DNAH14: variants seen among roughly 807,000 people sequenced by gnomAD.
The protein encoded by DNAH14 is dynein axonemal heavy chain 14.
A neutral mutation model predicts 520.9 loss-of-function variants in DNAH14; 478 were observed. That is an observed-to-expected ratio of 0.92 (90% CI 0.85 to 0.99). DNAH14 has a LOEUF of 0.99. Among genes scored for constraint, DNAH14 ranks in the 50% least tolerant of loss-of-function variants. The probability of loss-of-function intolerance (pLI) is 0.00; values close to 1 mark genes in which losing one functional copy is unlikely to be tolerated. For missense variants in DNAH14, 4,831 were observed against 5,234.5 expected, an observed-to-expected ratio of 0.92 and a Z score of 2.38; for synonymous variants, 1,581 against 1,757.2, an observed-to-expected ratio of 0.90 and a Z score of 2.51.
At chr1:225,379,066 T>G (rs1047241062) in intron 79 of DNAH14, among the ~76,000 whole-genome samples, 4 of 152,038 alleles carry the variant, frequency 2.6e-5, no homozygotes, top group African/African-American at 9.7e-5. Flanking sequence ...CTCTAGTGTT[T>G]AGTGGTTTTG....
intron 21 of DNAH14, among the ~76,000 whole-genome samples, chr1:225,088,807 A>C (rs2074061497): frequency 6.6e-6 from 1 of 152,224 alleles, no homozygotes; most frequent in Non-Finnish European, 1.5e-5. Context: ...CTGGAATATT[A>C]AAAACAACTT....
chr1:225,153,954 C>A, intron 34 of DNAH14, 128 bp downstream of exon 34: 1 of 569,194 alleles, frequency 1.8e-6, no homozygotes, highest in East Asian at 3.3e-5. Context: ...TAAAGTAAGG[C>A]AGAGATTATT....
intron 69 of DNAH14, among the ~76,000 whole-genome samples, chr1:225,345,004 C>T (rs1367925954): frequency 2.0e-5 from 3 of 152,126 alleles, no homozygotes; most frequent in African/African-American, 7.2e-5. Flanking sequence ...TGAGCCACCA[C>T]ACCTGGCCAG....
In DNAH14 at chr1:225,300,986, G is replaced by A. The variant is rs2094128280; in HGVS notation, c.8587G>A (p.Gly2863Ser). ...MKIRYLTEQS[G>S]HMDNRQSLLS... ...AATCAGATATCTTACTGAACAATCT[G>A]GTCATATGGATAATAGGCAATCTTT... Residue 2863 changes from glycine to serine, a missense_variant, in exon 56 of 86, where the codon GGT becomes AGT. Transcript: ENST00000682510. 6.4e-7 allele frequency: 1 copy of A among 1,550,718 alleles called. No individual in the cohort carries two copies. The highest frequency in any genetic ancestry group is 8.7e-7 in the Non-Finnish European group (1 of 1,146,682).
chr1:225,364,712 A>G, intron 75 of DNAH14, 80 bp from the exon 76 acceptor site: 1 of 1,030,440 alleles, frequency 9.7e-7, no homozygotes, highest in Non-Finnish European at 1.4e-6. Flanking sequence ...GCCACTTCAA[A>G]CAGTGAAATG....
intron 36 of DNAH14, among the ~76,000 whole-genome samples, chr1:225,168,910 AGACT>A (rs1221898182): frequency 6.6e-6 from 1 of 152,198 alleles, no homozygotes; most frequent in Non-Finnish European, 1.5e-5. Context: ...TAGTAGGGGC[AGACT>A]GACACCTCAC....
In DNAH14 at chr1:225,304,969, A is replaced by G. The variant is rs1480514691; in HGVS notation, c.8885A>G (p.Asn2962Ser). 1 of 1,543,850 alleles carries G rather than the reference A, an allele frequency of 6.5e-7. No homozygotes were observed. The change falls in exon 58 of 86, where the codon AAC becomes AGC. Residue 2962 changes from asparagine (N) to serine (S), a missense_variant. Coordinates refer to ENST00000682510, the MANE Select transcript of DNAH14 (RefSeq NM_001367479.1). ...VQIHKSMKDL[N>S]RKYFEETGRF... is the part of the protein sequence containing the mutation. Reference sequence around the variant, plus strand: ...ATCCACAAAAGCATGAAAGACTTGAACAGAAAATACTTTGAAGAAACTGGA... The same window carrying G: ...ATCCACAAAAGCATGAAAGACTTGAGCAGAAAATACTTTGAAGAAACTGGA...
At chr1:224,941,823 A>G (rs2059439373) in intron 1 of DNAH14, among the ~76,000 whole-genome samples, 1 of 152,106 alleles carries the variant, frequency 6.6e-6, no homozygotes, top group African/African-American at 2.4e-5. Context: ...GGTTGTAGAT[A>G]TGTGGCATTA....
intron 1 of DNAH14, among the ~76,000 whole-genome samples, chr1:224,935,562 C>A (rs2058976851): frequency 6.6e-6 from 1 of 151,736 alleles, no homozygotes; most frequent in South Asian, 2.1e-4. Context: ...CACTGGAGCA[C>A]CCATATTAAT....
chr1:225,366,874 G>A (rs955202869), intron 76 of DNAH14, among the ~76,000 whole-genome samples: 7 of 151,638 alleles, frequency 4.6e-5, no homozygotes, highest in African/African-American at 7.3e-5. Flanking sequence ...TCTCTGAAAA[G>A]AGGAAAGGCT....
chr1:225,341,943 A>G (rs573805853), intron 69 of DNAH14, among the ~76,000 whole-genome samples: 1 of 152,282 alleles, frequency 6.6e-6, no homozygotes, highest in Admixed American at 6.5e-5. Context: ...TCATCTGTAG[A>G]GTTTATTACC....
intron 9 of DNAH14, among the ~76,000 whole-genome samples, chr1:225,006,390 C>G (rs541357527): frequency 6.6e-6 from 1 of 152,076 alleles, no homozygotes; most frequent in South Asian, 2.1e-4. Context: ...CCTGCAGGGC[C>G]GGGCAGAACA....
chr1:225,059,516 G>A (rs1171420713), intron 17 of DNAH14, among the ~76,000 whole-genome samples: 1 of 152,188 alleles, frequency 6.6e-6, no homozygotes, highest in East Asian at 1.9e-4. Context: ...GGAGCATTTA[G>A]CCCATTTACA....
chr1:225,044,290 G>T (rs913346860), intron 15 of DNAH14, among the ~76,000 whole-genome samples: 3 of 152,124 alleles, frequency 2.0e-5, no homozygotes, highest in African/African-American at 7.2e-5. Flanking sequence ...TTATGTCATA[G>T]TATAACAAAG....
At chr1:225,274,596 T>A (rs938626531) in intron 52 of DNAH14, among the ~76,000 whole-genome samples, 2 of 152,240 alleles carry the variant, frequency 1.3e-5, no homozygotes, top group Admixed American at 1.3e-4. Flanking sequence ...AGCTTATTAC[T>A]ATCTTGGGAG....
In DNAH14 at chr1:224,964,612, ATTG is replaced by A. The variant is rs772503973; in HGVS notation, c.498+6_498+8del. 6 of 1,568,578 alleles carry A rather than the reference ATTG, an allele frequency of 3.8e-6. No individual in the cohort carries two copies. Among genetic ancestry groups the A allele is most frequent in the Admixed American group, 1.8e-5 (1 of 56,428 alleles). The stretch of plus-strand genomic sequence containing the variant: ...CAATTCAGAAGATTACTTTAAAGGT[ATTG>A]TTCTATTTTATTTAATTTTGATCTT... On this transcript the variant is annotated splice_donor_5th_base_variant and intron_variant, in intron 5 of 85. Transcript: ENST00000682510.
At chr1:225,081,598 T>A (rs898409559) in intron 19 of DNAH14, among the ~76,000 whole-genome samples, 8 of 152,240 alleles carry the variant, frequency 5.3e-5, no homozygotes, top group African/African-American at 1.9e-4. Context: ...AAACTAAAGT[T>A]ACACTCTTGA....
intron 60 of DNAH14, among the ~76,000 whole-genome samples, chr1:225,310,239 G>A (rs1030724352): frequency 6.0e-5 from 9 of 151,162 alleles, no homozygotes; most frequent in Non-Finnish European, 1.2e-4. Context: ...TTTTCTCCCT[G>A]GCTTCAGCAC....
intron 80 of DNAH14, 100 bp downstream of exon 80, chr1:225,380,422 A>C (rs2095765169): frequency 3.1e-6 from 4 of 1,307,954 alleles, no homozygotes; most frequent in South Asian, 3.3e-5. Flanking sequence ...ATTCTGTAGA[A>C]GTGAAAATAC....
Sources: gnomAD v4.1 joint callset for allele counts (sites outside exome capture counted in the v4.1 genomes callset) on GRCh38, gnomAD v4.1.1 for gene constraint, MANE v1.5 for transcripts, NCBI Gene and HGNC (gene_info 2026-07-23, HGNC 2026-07-21) for gene names.